Variants in WAC observed in about 807,000 individuals in gnomAD.
WAC encodes the protein WW domain-containing adapter protein with coiled-coil.
A neutral mutation model predicts 79.6 loss-of-function variants in WAC; 11 were observed. The observed-to-expected ratio is 0.14, with a 90% CI of 0.09 to 0.23. WAC has a LOEUF of 0.23. Ranked by LOEUF, WAC falls within the 10% of genes least tolerant of loss-of-function variation. The pLI is 1.00. For missense variants in WAC, 728 were observed against 773.5 expected (o/e 0.94, Z 0.70); for synonymous variants, 304 against 276.9 (o/e 1.10, Z -0.97).
intron 5 of WAC, among the ~76,000 whole-genome samples, 157 bp downstream of exon 5, chr10:28,590,008 G>A (rs1337882514): frequency 6.6e-6 from 1 of 152,078 alleles, no homozygotes; most frequent in African/African-American, 2.4e-5. Context: ...GTTTTCCATA[G>A]TTTGTCTTTA....
At chr10:28,595,368 G>A (rs1840304874) in intron 6 of WAC, among the ~76,000 whole-genome samples, 1 of 151,784 alleles carries the variant, frequency 6.6e-6, no homozygotes, top group Admixed American at 6.6e-5. Context: ...TACTTTTTCT[G>A]CCTTTAAAAC....
At chr10:28,533,859 C>T (rs1836440756) in intron 1 of WAC, 139 bp from the exon 2 acceptor site, 2 of 1,141,928 alleles carry the variant, frequency 1.8e-6, no homozygotes, top group Non-Finnish European at 2.5e-6. Flanking sequence ...CGGGTTTGTG[C>T]CGTGTGCGTG....
chr10:28,553,770 G>A (rs939649470), intron 3 of WAC, among the ~76,000 whole-genome samples: 2 of 152,168 alleles, frequency 1.3e-5, no homozygotes, highest in African/African-American at 4.8e-5. Context: ...TAAAAGGATG[G>A]TTGTGTCTTT....
intron 10 of WAC, among the ~76,000 whole-genome samples, chr10:28,612,221 A>G (rs570656421): frequency 1.4e-4 from 21 of 152,372 alleles, no homozygotes; most frequent in Admixed American, 1.4e-3. Context: ...TAGAATTTTC[A>G]AACTCCAAAA....
At chr10:28,557,554 T>G (rs1003679185) in intron 3 of WAC, among the ~76,000 whole-genome samples, 1 of 151,818 alleles carries the variant, frequency 6.6e-6, no homozygotes, top group African/African-American at 2.4e-5. Flanking sequence ...ATCAGCTGGG[T>G]GTGGTGGTGT....
chr10:28,564,047 C>T (rs927589728), intron 3 of WAC, among the ~76,000 whole-genome samples: 19 of 151,846 alleles, frequency 1.3e-4, no homozygotes, highest in Admixed American at 1.0e-3. Context: ...GAAGCTGAGG[C>T]GGGCGGATCC....
At chr10:28,551,855 C>G (rs1472429833) in intron 3 of WAC, among the ~76,000 whole-genome samples, 1 of 140,332 alleles carries the variant, frequency 7.1e-6, no homozygotes, top group South Asian at 2.2e-4. Flanking sequence ...GATGGAGTCT[C>G]GCTCTGTTGC....
At chr10:28,547,982 G>T (rs1421595581) in intron 3 of WAC, among the ~76,000 whole-genome samples, 1 of 147,770 alleles carries the variant, frequency 6.8e-6, no homozygotes. Context: ...GTGTAGTGGC[G>T]CAATCTTGGC....
chr10:28,567,103 A>C (rs1482457100), intron 3 of WAC, among the ~76,000 whole-genome samples: 1 of 151,126 alleles, frequency 6.6e-6, no homozygotes, highest in African/African-American at 2.4e-5. Context: ...GCTTTCAGTC[A>C]TGTTATTCTT....
At chr10:28,611,174 G>A in intron 9 of WAC, 1 of 919,400 alleles carries the variant, frequency 1.1e-6, no homozygotes, top group South Asian at 1.5e-5. Flanking sequence ...TGTATTTGAA[G>A]AGTTGAAGTT....
At chr10:28,596,405 TATA>T (rs763441394) in intron 7 of WAC, among the ~76,000 whole-genome samples, 12 of 152,284 alleles carry the variant, frequency 7.9e-5, no homozygotes, top group Admixed American at 3.3e-4. Flanking sequence ...TAATACTTAA[TATA>T]AATAGAGGTA....
At chr10:28,580,624 C>G (rs760881799) in intron 3 of WAC, among the ~76,000 whole-genome samples, 1 of 152,160 alleles carries the variant, frequency 6.6e-6, no homozygotes, top group East Asian at 1.9e-4. Flanking sequence ...TGTCGACAAA[C>G]TTAAGGAAAT....
At chr10:28,553,810 C>A (rs1041351604) in intron 3 of WAC, among the ~76,000 whole-genome samples, 2 of 152,092 alleles carry the variant, frequency 1.3e-5, no homozygotes, top group African/African-American at 2.4e-5. Flanking sequence ...CTTTTTTATT[C>A]CCTAAGGAAT....
chr10:28,546,978 G>A (rs960055024), intron 3 of WAC, among the ~76,000 whole-genome samples: 14 of 151,552 alleles, frequency 9.2e-5, no homozygotes, highest in Non-Finnish European at 1.6e-4. Context: ...TGGCTTTTTG[G>A]AATTAGAATT....
At position 28,533,530 on chromosome 10, in the gene WAC, T is replaced by C. The variant is rs1159478680; in HGVS notation, c.-50T>C. On this transcript the variant is annotated 5_prime_UTR_variant, in exon 1 of 14. Coordinates refer to ENST00000354911, the MANE Select transcript of WAC (RefSeq NM_016628.5). Reference sequence around the variant, plus strand: ...CGCCGCCTGCGCGCCCGCCCGCCTTTCGCGGCCGCTCTCCCCCCTCCCCGA... The same window carrying C: ...CGCCGCCTGCGCGCCCGCCCGCCTTCCGCGGCCGCTCTCCCCCCTCCCCGA... The C allele has an allele frequency of 4.1e-6, 5 of 1,228,072 alleles. No individual in the cohort carries two copies. The South Asian group carries it at 8.4e-5, about 21-fold the overall frequency. 76.1% of individuals were successfully genotyped at this position (1,228,072 alleles called of 1,614,324 possible).
At chr10:28,543,035 T>C (rs1205761856) in intron 3 of WAC, among the ~76,000 whole-genome samples, 1 of 152,186 alleles carries the variant, frequency 6.6e-6, no homozygotes, top group African/African-American at 2.4e-5. Context: ...TAAAAAAAAT[T>C]TGGATTGTTA....
chr10:28,539,571 G>T lies in WAC; in HGVS notation c.274+3814G>T, dbSNP rs544182755. 1.2e-3 allele frequency among the ~76,000 whole-genome samples: 53 copies of T among 45,270 alleles called. No individual in the cohort carries two copies. In the East Asian group the frequency reaches 0.05, roughly 43 times the overall value. 29.7% of individuals were successfully genotyped at this position (45,270 alleles called of 152,430 possible). On this transcript the variant is annotated intron_variant, in intron 3 of 13. Coordinates refer to ENST00000354911, the MANE Select transcript of WAC (RefSeq NM_016628.5). ...GTACAATCGTTAGGGTTTGTTTTTT[G>T]GTTTTTTTTTTTCTGGAGACAGAGT...
At chr10:28,563,042 A>G (rs1838383432) in intron 3 of WAC, among the ~76,000 whole-genome samples, 1 of 152,150 alleles carries the variant, frequency 6.6e-6, no homozygotes, top group South Asian at 2.1e-4. Context: ...ACAAAGAACT[A>G]TATTACTCTT....
chr10:28,563,952 C>T (rs1838452291), intron 3 of WAC, among the ~76,000 whole-genome samples: 1 of 151,816 alleles, frequency 6.6e-6, no homozygotes, highest in Non-Finnish European at 1.5e-5. Context: ...TGAATAGAGG[C>T]TTGTTTTCTG....
Sources: allele counts gnomAD v4.1 joint callset (sites outside exome capture counted in the v4.1 genomes callset), GRCh38; gene constraint gnomAD v4.1.1; transcripts MANE v1.5; gene names NCBI Gene and HGNC (gene_info 2026-07-23, HGNC 2026-07-21).